The following PDPR variants were observed in gnomAD, a reference collection of about 807,000 sequenced individuals.
PDPR encodes pyruvate dehydrogenase phosphatase regulatory subunit, mitochondrial.
PDPR carries 50 observed loss-of-function variants against 102.2 expected under a neutral mutation model. The ratio of observed to expected loss-of-function variants is 0.49; its 90% CI spans 0.39 to 0.62. The LOEUF is 0.62. PDPR is among the 20% of genes least tolerant of loss of function. The pLI is 0.00. For synonymous variants in PDPR, 259 were observed against 406.0 expected (o/e 0.64, Z 4.35); for missense variants, 625 against 1,098.2 (o/e 0.57, Z 6.09).
chr16:70,156,871 G>A lies in PDPR; in HGVS notation c.2632G>A (p.Gly878Arg), dbSNP rs770267950. The stretch of plus-strand genomic sequence containing the variant: ...TGACATGGAGCTGAGTGACTTACAT[G>A]GGAAGTGATGCCACCAGGGCAGCCT... ...KDDMELSDLH[G>R]K Residue 878 changes from glycine to arginine, a missense_variant, in exon 19 of 19, where the codon GGG becomes AGG. Gly to Arg is a moderately radical substitution (Grantham distance 125). This residue lies in a region of PDPR where 303 missense variants were observed against 258.9 expected (regional missense o/e 1.17). Coordinates refer to ENST00000288050, the MANE Select transcript of PDPR (RefSeq NM_017990.5). 4 of 1,613,428 alleles carry A rather than the reference G, an allele frequency of 2.5e-6. No homozygotes were observed. Among genetic ancestry groups the A allele is most frequent in the Non-Finnish European group, 3.4e-6 (4 of 1,179,608 alleles).
At chr16:70,138,851 T>C (rs1767189681) in intron 10 of PDPR, 48 bp from the exon 11 acceptor site, 1 of 1,608,188 alleles carries the variant, frequency 6.2e-7, no homozygotes, top group Admixed American at 1.7e-5. Context: ...ATATTAATTT[T>C]CTCAAATCTC....
intron 9 of PDPR, among the ~76,000 whole-genome samples, 172 bp from the exon 10 acceptor site, chr16:70,136,022 T>G (rs1965098016): frequency 6.8e-6 from 1 of 147,592 alleles, no homozygotes; most frequent in African/African-American, 2.5e-5. Context: ...TGAGCCGAGA[T>G]CGTGCCACCA....
chr16:70,141,315 G>C (rs1419550171), intron 11 of PDPR, among the ~76,000 whole-genome samples: 1 of 152,258 alleles, frequency 6.6e-6, no homozygotes, highest in Non-Finnish European at 1.5e-5. Context: ...ACCTCTCAGT[G>C]CTGGGTTTAC....
rs746314728 is a variant in PDPR, at chr16:70,136,195, G to A, written c.999G>A (p.Glu333=). The change falls in exon 10 of 19, where the codon GAG becomes GAA. Residue 333 remains glutamate, a splice_region_variant and synonymous_variant. Coordinates refer to ENST00000288050, the MANE Select transcript of PDPR (RefSeq NM_017990.5). ...TTTGGTTTTGTTGTCATTGCTCAGA[G>A]CCTCTGTTGAGTTCCCTTCTGAGGA... is the stretch of plus-strand genomic sequence containing the variant. ...QNLQEDWDHF[E]PLLSSLLRRM... is the part of the protein sequence containing the mutation. 7.7e-6 allele frequency: 12 copies of A among 1,563,792 alleles called. No homozygotes were observed. In the East Asian group the frequency reaches 1.4e-4, roughly 18 times the overall value.
chr16:70,123,563 T>G (rs1963583116), intron 3 of PDPR, among the ~76,000 whole-genome samples: 1 of 152,266 alleles, frequency 6.6e-6, no homozygotes, highest in African/African-American at 2.4e-5. Flanking sequence ...GATGTCAAAG[T>G]CTTTCTCCTA....
intron 13 of PDPR, among the ~76,000 whole-genome samples, chr16:70,143,228 T>C (rs1318348217): frequency 6.6e-5 from 10 of 152,272 alleles, no homozygotes; most frequent in Admixed American, 2.0e-4. Context: ...ACTGATTTCT[T>C]AAGAATTCTG....
rs935367221 is a variant in PDPR at position 70,156,375 on chromosome 16, C to T, written c.2236-100C>T. The T allele has an allele frequency of 3.5e-6, 5 of 1,410,248 alleles. No individual in the cohort carries two copies. In the Admixed American group the frequency reaches 1.1e-4, roughly 31 times the overall value. 87.4% of individuals were successfully genotyped at this position (1,410,248 alleles called of 1,614,324 possible). ...AGGGTTGTGGGAGGAGGCGGCTGTG[C>T]CCCATTGCAGTGACACCAGGGGACC... On this transcript the variant is annotated intron_variant, in intron 18 of 18. Transcript: ENST00000288050.
intron 4 of PDPR, among the ~76,000 whole-genome samples, 192 bp downstream of exon 4, chr16:70,127,585 C>T (rs1328640982): frequency 2.0e-5 from 3 of 152,246 alleles, no homozygotes; most frequent in Non-Finnish European, 2.9e-5. Context: ...GTCAGGAGAT[C>T]GAGACCATCC....
intron 17 of PDPR, among the ~76,000 whole-genome samples, chr16:70,150,265 G>A (rs1344228474): frequency 3.3e-5 from 5 of 151,946 alleles, no homozygotes; most frequent in South Asian, 2.1e-4. Context: ...CACCACACCC[G>A]ACTAATTTTT....
intron 11 of PDPR, among the ~76,000 whole-genome samples, chr16:70,141,410 A>T (rs62050972): frequency 6.6e-6 from 1 of 151,964 alleles, no homozygotes; most frequent in South Asian, 2.1e-4. Flanking sequence ...GTACAATACA[A>T]TATAACTTCT....
chr16:70,140,262 G>A (rs1455099996), intron 11 of PDPR, among the ~76,000 whole-genome samples: 1 of 152,234 alleles, frequency 6.6e-6, no homozygotes, highest in Non-Finnish European at 1.5e-5. Flanking sequence ...AATCACCTGA[G>A]CTGGGGAAGT....
At chr16:70,144,678 G>A (rs2152108931) in intron 15 of PDPR, 145 bp downstream of exon 15, 1 of 643,048 alleles carries the variant, frequency 1.6e-6, no homozygotes, top group Non-Finnish European at 2.8e-6. Context: ...TGATCTCTAG[G>A]GGATGCGGTG....
chr16:70,127,756 T>G (rs1597315391), intron 4 of PDPR, among the ~76,000 whole-genome samples: 2 of 152,388 alleles, frequency 1.3e-5, no homozygotes, highest in East Asian at 1.9e-4. Flanking sequence ...TTGGCCCAAG[T>G]GTAATTATGG....
chr16:70,144,779 A>AC (rs1356129145), intron 15 of PDPR, among the ~76,000 whole-genome samples: 1 of 152,226 alleles, frequency 6.6e-6, no homozygotes, highest in Non-Finnish European at 1.5e-5. Flanking sequence ...ATATGGTGAA[A>AC]CCCCGTCTCT....
rs748023618 is a variant in PDPR, at chr16:70,156,616, G to A, written c.2377G>A (p.Gly793Arg). The change falls in exon 19 of 19, where the codon GGG (glycine) becomes AGG (arginine). Residue 793 changes from glycine to arginine, a missense_variant. By Grantham distance (125) the Gly-to-Arg change is moderately radical. Transcript: ENST00000288050. ...GTGGGGAGAGCCCATTTACCGGAATGGGCAGTATGTTGGCAAGACCACCAG... is the reference window on the plus strand; with the variant it reads ...GTGGGGAGAGCCCATTTACCGGAATAGGCAGTATGTTGGCAAGACCACCAG... Reference protein sequence around the residue: ...PWWGEPIYRNGQYVGKTTSSA... With the variant: ...PWWGEPIYRNRQYVGKTTSSA... 1 of 1,614,090 alleles carries A rather than the reference G, an allele frequency of 6.2e-7. No individual in the cohort carries two copies. Among genetic ancestry groups the A allele is most frequent in the Non-Finnish European group, 8.5e-7 (1 of 1,179,904 alleles).
downstream of PDPR, among the ~76,000 whole-genome samples, chr16:70,163,266 G>T (rs1967935495): frequency 6.7e-6 from 1 of 149,494 alleles, no homozygotes; most frequent in Non-Finnish European, 1.5e-5. Flanking sequence ...TTTTTGAGTA[G>T]TTTTTTTTTT....
chr16:70,114,135 G>A (rs1169936832), upstream of PDPR: 1 of 152,190 alleles, frequency 6.6e-6, no homozygotes, highest in African/African-American at 2.4e-5. Flanking sequence ...GTGGCAAAGA[G>A]GCCGCGGGGG....
intron 6 of PDPR, 76 bp downstream of exon 6, chr16:70,129,198 A>G: frequency 2.5e-6 from 4 of 1,613,086 alleles, no homozygotes; most frequent in Non-Finnish European, 3.4e-6. Flanking sequence ...CACAATAGGA[A>G]GTGACACCAA....
At chr16:70,121,557 T>G (rs1963274280) in intron 3 of PDPR, among the ~76,000 whole-genome samples, 1 of 152,098 alleles carries the variant, frequency 6.6e-6, no homozygotes, top group African/African-American at 2.4e-5. Flanking sequence ...CTGGGCGTGG[T>G]GGTGTGCACC....
Sources: allele counts gnomAD v4.1 joint callset (sites outside exome capture counted in the v4.1 genomes callset), GRCh38; gene constraint gnomAD v4.1.1; regional missense constraint gnomAD v4.1.1; transcripts MANE v1.5; gene names NCBI Gene and HGNC (gene_info 2026-07-23, HGNC 2026-07-21).